Variants in GRB2 observed in about 807,000 individuals in gnomAD.
GRB2 encodes growth factor receptor bound protein 2.
A neutral mutation model predicts 27.4 loss-of-function variants in GRB2; 2 were observed. The observed-to-expected ratio is 0.07, with a 90% CI of 0.03 to 0.23. The LOEUF (loss-of-function observed/expected upper bound fraction) is 0.23, where lower values mean the gene tolerates loss of function less well. Among genes scored for constraint, GRB2 ranks in the 10% least tolerant of loss-of-function variants. The pLI is 1.00. For synonymous variants in GRB2, 94 were observed against 99.6 expected, an observed-to-expected ratio of 0.94 and a Z score of 0.33; for missense variants, 102 against 282.4, an observed-to-expected ratio of 0.36 and a Z score of 4.58.
intron 2 of GRB2, among the ~76,000 whole-genome samples, chr17:75,365,650 A>G (rs1274745879): frequency 6.6e-6 from 1 of 152,194 alleles, no homozygotes; most frequent in African/African-American, 2.4e-5. Flanking sequence ...AGTACAACAA[A>G]GAAAAAAGAA....
At chr17:75,393,841 C>G (rs1011113965) in intron 1 of GRB2, 76 bp from the exon 2 acceptor site, 6 of 550,726 alleles carry the variant, frequency 1.1e-5, no homozygotes, top group South Asian at 9.2e-5. Flanking sequence ...GGCCTGCTGT[C>G]CCAGCCCCCA....
At chr17:75,347,544 G>A (rs2078663341) in intron 2 of GRB2, among the ~76,000 whole-genome samples, 1 of 152,116 alleles carries the variant, frequency 6.6e-6, no homozygotes, top group African/African-American at 2.4e-5. Context: ...CCAGACTTCA[G>A]GGGTGGGGAA....
chr17:75,390,918 C>T (rs903634837), intron 2 of GRB2, among the ~76,000 whole-genome samples: 2 of 152,340 alleles, frequency 1.3e-5, no homozygotes, highest in African/African-American at 2.4e-5. Context: ...TTGTTCAATG[C>T]TATTCCAGCA....
intron 1 of GRB2, among the ~76,000 whole-genome samples, chr17:75,404,106 C>T (rs2079081999): frequency 1.3e-5 from 2 of 151,568 alleles, no homozygotes; most frequent in African/African-American, 4.8e-5. Context: ...GAGCAAAACT[C>T]TGCCTAAAAA....
In GRB2 at chr17:75,361,982, C is replaced by A. The variant is rs542341957; in HGVS notation, c.79-29185G>T. On this transcript the variant is annotated intron_variant, in intron 2 of 5. Transcript: ENST00000316804. Reference sequence around the variant, plus strand: ...AATGCAACCACTAGGCTCTCCAATACAAGGAAAGTATGTAAAGCACTGCTT... The same window carrying A: ...AATGCAACCACTAGGCTCTCCAATAAAAGGAAAGTATGTAAAGCACTGCTT... 1.6e-4 allele frequency among the ~76,000 whole-genome samples: 25 copies of A among 152,112 alleles called. 2 individuals carry two copies. In the South Asian group the frequency reaches 5.0e-3, roughly 30 times the overall value.
At chr17:75,353,755 C>A (rs2078709506) in intron 2 of GRB2, among the ~76,000 whole-genome samples, 1 of 149,334 alleles carries the variant, frequency 6.7e-6, no homozygotes, top group South Asian at 2.1e-4. Context: ...AAAAAAAATT[C>A]TGGCCAGGTA....
chr17:75,348,178 C>T (rs1464768591), intron 2 of GRB2, among the ~76,000 whole-genome samples: 1 of 152,092 alleles, frequency 6.6e-6, no homozygotes, highest in Admixed American at 6.5e-5. Flanking sequence ...ACAAATAGCT[C>T]GGACTACAGA....
At chr17:75,352,395 G>A (rs1400573793) in intron 2 of GRB2, among the ~76,000 whole-genome samples, 1 of 152,198 alleles carries the variant, frequency 6.6e-6, no homozygotes, top group African/African-American at 2.4e-5. Context: ...TAAATGATAG[G>A]ATGTATTAAC....
chr17:75,404,693 T>C (rs2079087201), intron 1 of GRB2: 1 of 152,220 alleles, frequency 6.6e-6, no homozygotes, highest in Non-Finnish European at 1.5e-5. Flanking sequence ...CTAATTTCTC[T>C]CATGTGTCTG....
intron 4 of GRB2, among the ~76,000 whole-genome samples, chr17:75,322,385 A>AT (rs1567855094): frequency 6.6e-6 from 1 of 151,894 alleles, no homozygotes; most frequent in Non-Finnish European, 1.5e-5. Flanking sequence ...AAAAAAAAAA[A>AT]AAAAGAGTCC....
At chr17:75,346,578 CTTTT>C (rs775027742) in intron 2 of GRB2, among the ~76,000 whole-genome samples, 3 of 68,724 alleles carry the variant, frequency 4.4e-5, no homozygotes, top group African/African-American at 1.9e-4. Context: ...CTTTTCTTGC[CTTTT>C]TTTTTTTTTT....
intron 1 of GRB2, among the ~76,000 whole-genome samples, chr17:75,398,641 A>C (rs1006412330): frequency 1.3e-5 from 2 of 152,368 alleles, no homozygotes; most frequent in East Asian, 1.9e-4. Flanking sequence ...TTGGTGTTAC[A>C]TTATAATAAT....
chr17:75,379,411 A>G (rs907169209), intron 2 of GRB2, among the ~76,000 whole-genome samples: 2 of 45,682 alleles, frequency 4.4e-5, no homozygotes, highest in Non-Finnish European at 7.7e-5. Context: ...AAAAAAAAAA[A>G]AAAGAAAGAC....
chr17:75,340,245 C>T (rs2078611947), intron 2 of GRB2, among the ~76,000 whole-genome samples: 1 of 152,136 alleles, frequency 6.6e-6, no homozygotes, highest in Non-Finnish European at 1.5e-5. Flanking sequence ...AACATTTGTG[C>T]ATGAATGATA....
chr17:75,382,866 G>A (rs999116175), intron 2 of GRB2, among the ~76,000 whole-genome samples: 3 of 151,924 alleles, frequency 2.0e-5, no homozygotes, highest in Admixed American at 6.6e-5. Flanking sequence ...CTGCCACCAC[G>A]CCCAGCTAAT....
chr17:75,322,301 G>A (rs2078465523), intron 4 of GRB2, among the ~76,000 whole-genome samples: 1 of 151,636 alleles, frequency 6.6e-6, no homozygotes, highest in Admixed American at 6.6e-5. Context: ...GAACCTGGGA[G>A]GCCGAGGTTG....
chr17:75,366,673 G>C (rs1166109397), intron 2 of GRB2, among the ~76,000 whole-genome samples: 1 of 152,030 alleles, frequency 6.6e-6, no homozygotes, highest in African/African-American at 2.4e-5. Context: ...AGCCGGGTGT[G>C]GTAGTGCATG....
chr17:75,345,301 C>T (rs549096640), intron 2 of GRB2, among the ~76,000 whole-genome samples: 19 of 152,232 alleles, frequency 1.2e-4, no homozygotes, highest in Non-Finnish European at 2.2e-4. Context: ...ACCTCAGCCT[C>T]CCAAAGTTGT....
Position 75,354,595 on chromosome 17 carries a change from G to A in GRB2, c.79-21798C>T, listed in dbSNP as rs138949001. Among the ~76,000 whole-genome samples the A allele has an allele frequency of 7.6e-3, 1,157 of 152,014 alleles. 8 individuals carry two copies. The highest frequency in any genetic ancestry group is 0.026 in the African/African-American group (1,071 of 41,456). ...TTGAACAGTCATCCTGAACCATCTCGACCCCCCACTTCCATGGAAAAATTG... is the reference window on the plus strand; with the variant it reads ...TTGAACAGTCATCCTGAACCATCTCAACCCCCCACTTCCATGGAAAAATTG... On this transcript the variant is annotated intron_variant, in intron 2 of 5. Transcript: ENST00000316804.
Sources: allele counts gnomAD v4.1 joint callset (sites outside exome capture counted in the v4.1 genomes callset), GRCh38; gene constraint gnomAD v4.1.1; transcripts MANE v1.5; gene names NCBI Gene and HGNC (gene_info 2026-07-23, HGNC 2026-07-21).